The following MS4A4A variants were observed in gnomAD, a reference collection of about 807,000 sequenced individuals.
MS4A4A encodes membrane spanning 4-domains A4A, also known as membrane-spanning 4-domains subfamily A member 4A.
In MS4A4A, 26 loss-of-function variants were observed where a neutral mutation model predicts 28.0. The ratio of observed to expected loss-of-function variants is 0.93; its 90% CI spans 0.68 to 1.29. MS4A4A has a LOEUF of 1.29. MS4A4A is among the 50% of genes most tolerant of loss of function. MS4A4A has a pLI of 0.00. For missense variants in MS4A4A, 290 were observed against 293.1 expected, an observed-to-expected ratio of 0.99 and a Z score of 0.08; for synonymous variants, 86 against 100.8, an observed-to-expected ratio of 0.85 and a Z score of 0.88.
At chr11:60,288,981 A>C (rs2084826348) in intron 1 of MS4A4A, among the ~76,000 whole-genome samples, 2 of 152,036 alleles carry the variant, frequency 1.3e-5, no homozygotes, top group African/African-American at 4.8e-5. Flanking sequence ...AGCAACTAAG[A>C]TGGGGGCATG....
At chr11:60,292,154 C>G in intron 1 of MS4A4A, 71 bp from the exon 2 acceptor site, 1 of 1,459,680 alleles carries the variant, frequency 6.9e-7, no homozygotes, top group Non-Finnish European at 9.1e-7. Context: ...TAGGGAGGAA[C>G]CTGCCCCAAA....
intron 5 of MS4A4A, among the ~76,000 whole-genome samples, chr11:60,304,714 C>T (rs78319305): frequency 0.018 from 2,676 of 152,288 alleles, 76 homozygotes; most frequent in African/African-American, 0.061. Flanking sequence ...GTGCTGCTTT[C>T]GTGTTATAAC....
intron 4 of MS4A4A, 66 bp from the exon 5 acceptor site, chr11:60,302,493 A>G: frequency 6.7e-7 from 1 of 1,491,552 alleles, no homozygotes; most frequent in Non-Finnish European, 9.2e-7. Flanking sequence ...GTGGGTGTAA[A>G]GTGATTCATG....
chr11:60,288,043 C>T (rs933713245), intron 1 of MS4A4A, among the ~76,000 whole-genome samples: 2 of 152,122 alleles, frequency 1.3e-5, no homozygotes, highest in Non-Finnish European at 2.9e-5. Context: ...TGCTAGTGGC[C>T]CTATAGTTCC....
chr11:60,282,004 T>C (rs1290321674), intron 1 of MS4A4A, among the ~76,000 whole-genome samples: 1 of 152,088 alleles, frequency 6.6e-6, no homozygotes, highest in African/African-American at 2.4e-5. Flanking sequence ...TCATGTGCCG[T>C]AGATAATTAA....
At chr11:60,296,097 C>T (rs2084903278) in intron 2 of MS4A4A, among the ~76,000 whole-genome samples, 1 of 151,882 alleles carries the variant, frequency 6.6e-6, no homozygotes, top group Non-Finnish European at 1.5e-5. Context: ...CCACTGAGTC[C>T]TTCTAGGTCT....
intron 4 of MS4A4A, among the ~76,000 whole-genome samples, chr11:60,301,295 A>G (rs574833277): frequency 1.3e-5 from 2 of 152,316 alleles, no homozygotes; most frequent in South Asian, 4.1e-4. Context: ...TTTTGAAGAT[A>G]TAGAGAATTA....
At chr11:60,300,898 G>T in intron 3 of MS4A4A, 103 bp from the exon 4 acceptor site, 2 of 776,424 alleles carry the variant, frequency 2.6e-6, no homozygotes, top group Non-Finnish European at 4.1e-6. Flanking sequence ...TAAGATAATT[G>T]GTCTGATTAA....
chr11:60,291,278 G>C (rs551558992), intron 1 of MS4A4A, among the ~76,000 whole-genome samples: 9 of 152,298 alleles, frequency 5.9e-5, no homozygotes, highest in Non-Finnish European at 1.3e-4. Flanking sequence ...AAGAGATTTA[G>C]ATTTGTGGTG....
intron 2 of MS4A4A, among the ~76,000 whole-genome samples, chr11:60,296,262 G>T (rs2084904595): frequency 6.6e-6 from 1 of 151,952 alleles, no homozygotes; most frequent in Non-Finnish European, 1.5e-5. Context: ...GCGTAGAATT[G>T]TTCATAACAT....
In MS4A4A at chr11:60,282,483, CA is replaced by C; in HGVS notation, c.41+1769del. ...ATAGGCTGACTAATCCACATGTGGG[CA>C]ATGGTGGGGAAGTGGGGGAATAGTG... On this transcript the variant is annotated intron_variant, in intron 1 of 6. Coordinates refer to ENST00000337908, the MANE Select transcript of MS4A4A (RefSeq NM_148975.3). 6.5e-6 allele frequency: 6 copies of C among 920,346 alleles called. 1 individual carries two copies. In the South Asian group the frequency reaches 9.2e-5, roughly 14 times the overall value. The allele number at this position is 920,346 out of a possible 1,614,324, so 57.0% of individuals were successfully genotyped here.
chr11:60,304,085 T>C (rs2084976936), intron 5 of MS4A4A, among the ~76,000 whole-genome samples: 1 of 152,246 alleles, frequency 6.6e-6, no homozygotes, highest in African/African-American at 2.4e-5. Context: ...ACAAATTCTT[T>C]CAAGGTCTTT....
At chr11:60,286,008 C>T (rs2084800342) in intron 1 of MS4A4A, among the ~76,000 whole-genome samples, 1 of 152,164 alleles carries the variant, frequency 6.6e-6, no homozygotes, top group South Asian at 2.1e-4. Flanking sequence ...ATAAGGCAGA[C>T]ACCCCCAGAG....
chr11:60,289,268 G>A (rs2084830068), intron 1 of MS4A4A, among the ~76,000 whole-genome samples: 1 of 152,136 alleles, frequency 6.6e-6, no homozygotes, highest in African/African-American at 2.4e-5. Flanking sequence ...AGCTCCATCA[G>A]CTGAGCTCAG....
At chr11:60,293,030 G>T (rs1053587483) in intron 2 of MS4A4A, among the ~76,000 whole-genome samples, 1 of 152,160 alleles carries the variant, frequency 6.6e-6, no homozygotes, top group East Asian at 1.9e-4. Flanking sequence ...ATTTATGTTG[G>T]CACATACTAG....
chr11:60,296,856 C>T, intron 2 of MS4A4A: 1 of 277,994 alleles, frequency 3.6e-6, no homozygotes, highest in Non-Finnish European at 6.9e-6. Context: ...ACAATAATTG[C>T]TTTATAATTC....
At chr11:60,285,906 C>G (rs556346721) in intron 1 of MS4A4A, among the ~76,000 whole-genome samples, 2 of 152,294 alleles carry the variant, frequency 1.3e-5, no homozygotes, top group African/African-American at 4.8e-5. Flanking sequence ...ACCAGTCTGA[C>G]TACAATTCAC....
At chr11:60,292,525 A>C in intron 2 of MS4A4A, 141 bp downstream of exon 2, 3 of 817,076 alleles carry the variant, frequency 3.7e-6, no homozygotes, top group South Asian at 2.5e-5. Context: ...CAGGCTCTTC[A>C]TCTGAAAAAC....
At position 60,308,171 on chromosome 11, in the gene MS4A4A, A is replaced by G; in HGVS notation, c.713A>G (p.Glu238Gly). 1 of 1,613,822 alleles carries G rather than the reference A, an allele frequency of 6.2e-7. No homozygotes were observed. Among genetic ancestry groups the G allele is most frequent in the Non-Finnish European group, 8.5e-7 (1 of 1,179,738 alleles). The part of the protein sequence containing the change: ...AETASPTPLN[E>G]V ...ACAGCATCTCCCACACCACTTAATG[A>G]GGTTTGAGGCCACCAAAAGATCAAC... The change falls in exon 7 of 7, where the codon GAG (glutamate) becomes GGG (glycine). Residue 238 changes from glutamate to glycine, a missense_variant. By Grantham distance (98) the Glu-to-Gly change is moderately conservative. Coordinates refer to ENST00000337908, the MANE Select transcript of MS4A4A (RefSeq NM_148975.3).
Sources: gnomAD v4.1 joint callset for allele counts (sites outside exome capture counted in the v4.1 genomes callset) on GRCh38, gnomAD v4.1.1 for gene constraint, MANE v1.5 for transcripts, NCBI Gene and HGNC (gene_info 2026-07-23, HGNC 2026-07-21) for gene names.